CATSPERD: variants seen among roughly 807,000 people sequenced by gnomAD.
CATSPERD encodes the protein cation channel sperm-associated auxiliary subunit delta.
CATSPERD carries 86 observed loss-of-function variants against 98.1 expected under a neutral mutation model. The observed-to-expected ratio is 0.88, with a 90% CI of 0.74 to 1.05. The LOEUF (loss-of-function observed/expected upper bound fraction) is 1.05, where lower values mean the gene tolerates loss of function less well. CATSPERD is among the 50% of genes least tolerant of loss of function. The pLI is 0.00. For missense variants in CATSPERD, 995 were observed against 1,005.7 expected, an observed-to-expected ratio of 0.99 and a Z score of 0.14; for synonymous variants, 394 against 390.2, an observed-to-expected ratio of 1.01 and a Z score of -0.12.
chr19:5,720,734 G>A lies in CATSPERD; in HGVS notation c.-4G>A. 1.9e-6 allele frequency: 3 copies of A among 1,606,560 alleles called. No individual in the cohort carries two copies. Among genetic ancestry groups the A allele is most frequent in the South Asian group, 2.2e-5 (2 of 90,974 alleles). On this transcript the variant is annotated 5_prime_UTR_variant, in exon 1 of 22. Coordinates refer to ENST00000381624, the MANE Select transcript of CATSPERD (RefSeq NM_152784.4). ...GGCAGTGGTGGCGGCGGAAGCCCAA[G>A]TCGATGCTGATGTTGATGCTGGTGG...
intron 14 of CATSPERD, among the ~76,000 whole-genome samples, chr19:5,758,286 C>T (rs2056365461): frequency 1.3e-5 from 2 of 152,016 alleles, no homozygotes; most frequent in South Asian, 2.1e-4. Context: ...TAACCAGGCT[C>T]GTCACATCAC....
chr19:5,773,009 C>A lies in CATSPERD; in HGVS notation c.1941+44C>A, dbSNP rs746613605. ...CGTTTCCAGAAGAATCAGCAGCCCA[C>A]CAGGGGGTGGGAGAGTGCGTGAGGA... On this transcript the variant is annotated intron_variant, in intron 20 of 21. Transcript: ENST00000381624. 6 of 1,593,828 alleles carry A rather than the reference C, an allele frequency of 3.8e-6. No homozygotes were observed. The South Asian group carries it at 6.7e-5, about 18-fold the overall frequency.
At chr19:5,750,271 A>ACCCCGTC (rs2056182331) in intron 11 of CATSPERD, among the ~76,000 whole-genome samples, 1 of 146,290 alleles carries the variant, frequency 6.8e-6, no homozygotes, top group Non-Finnish European at 1.5e-5. Flanking sequence ...ACACGGTGAA[A>ACCCCGTC]CCCCGTCTCT....
Position 5,765,430 on chromosome 19 carries a change from A to G in CATSPERD, c.1507-673A>G, listed in dbSNP as rs2056519791. On this transcript the variant is annotated intron_variant, in intron 16 of 21. Transcript: ENST00000381624. ...TATTCATTCATTCATTCATTCATTC[A>G]TTCATTCATTCATTCATTCATTCAT... Among the ~76,000 whole-genome samples, 4 of 151,322 alleles carry G rather than the reference A, an allele frequency of 2.6e-5. No individual in the cohort carries two copies. In the Admixed American group the frequency reaches 2.7e-4, roughly 10 times the overall value.
intron 2 of CATSPERD, among the ~76,000 whole-genome samples, chr19:5,725,590 C>T (rs928727779): frequency 2.0e-5 from 3 of 152,082 alleles, no homozygotes; most frequent in South Asian, 2.1e-4. Context: ...AGTTCAAATT[C>T]GTTTCCTATT....
chr19:5,739,101 G>A (rs12460099), intron 6 of CATSPERD, among the ~76,000 whole-genome samples: 18,882 of 151,906 alleles, frequency 0.12, 2,144 homozygotes, highest in East Asian at 0.59. Flanking sequence ...CTGGTCTCAA[G>A]TGATCTGCCT....
Position 5,720,676 on chromosome 19 carries a change from G to T in CATSPERD, c.-62G>T. On this transcript the variant is annotated 5_prime_UTR_variant, in exon 1 of 22. Coordinates refer to ENST00000381624, the MANE Select transcript of CATSPERD (RefSeq NM_152784.4). ...GCAGGGCTTCAGCCTGCACGTACTC[G>T]GATTGTGCAGCGACTCCCCGTGGCG... The T allele has an allele frequency of 6.6e-7, 1 of 1,519,718 alleles. No homozygotes were observed. Among genetic ancestry groups the T allele is most frequent in the South Asian group, 1.1e-5 (1 of 87,302 alleles). 94.1% of individuals were successfully genotyped at this position (1,519,718 alleles called of 1,614,324 possible).
intron 3 of CATSPERD, among the ~76,000 whole-genome samples, chr19:5,729,496 C>G (rs1159490795): frequency 1.3e-5 from 2 of 152,066 alleles, no homozygotes; most frequent in African/African-American, 2.4e-5. Flanking sequence ...TCATGGATGG[C>G]CTTTTCCTAT....
intron 5 of CATSPERD, among the ~76,000 whole-genome samples, chr19:5,735,793 T>G (rs2055833561): frequency 7.2e-6 from 1 of 138,774 alleles, no homozygotes; most frequent in South Asian, 2.3e-4. Context: ...TTTTTTTTTT[T>G]TGAGACGGCG....
At position 5,746,013 on chromosome 19, in the gene CATSPERD, G is replaced by C. The variant is rs200180226; in HGVS notation, c.758G>C (p.Gly253Ala). The C allele has an allele frequency of 1.8e-4, 284 of 1,614,148 alleles. 1 individual carries two copies. Among genetic ancestry groups the C allele is most frequent in the Admixed American group, 6.0e-4 (36 of 60,008 alleles). ...ATCCTCATCGCCCCCGGCCAGAGAG[G>C]CATCCTGCTCCTATGGTTTGAGAAC... ...LDILIAPGQR[G>A]ILLLWFENSL... Residue 253 changes from glycine to alanine, a missense_variant, in exon 9 of 22, where the codon GGC becomes GCC. Coordinates refer to ENST00000381624, the MANE Select transcript of CATSPERD (RefSeq NM_152784.4).
rs371150801 is a variant in CATSPERD, at chr19:5,749,128, G to A, written c.932G>A (p.Arg311Gln). 4.8e-5 allele frequency: 78 copies of A among 1,611,826 alleles called. 1 individual carries two copies. The highest frequency in any genetic ancestry group is 1.6e-4 in the Middle Eastern group (1 of 6,064). Residue 311 changes from arginine to glutamine, a missense_variant, in exon 11 of 22, where the codon CGG (arginine) becomes CAG (glutamine). This residue lies in a region of CATSPERD where 762 missense variants were observed against 773.7 expected (regional missense o/e 0.98). Coordinates refer to ENST00000381624, the MANE Select transcript of CATSPERD (RefSeq NM_152784.4). ...VTENELAVIT[R>Q]EDNLYYGNLG... ...GAAAATGAACTGGCAGTTATAACTC[G>A]GGAGGATAATTTGTATTATGGCAAT...
intron 10 of CATSPERD, among the ~76,000 whole-genome samples, chr19:5,748,623 C>CAAAA (rs1179884868): frequency 4.0e-5 from 2 of 50,444 alleles, no homozygotes; most frequent in African/African-American, 1.5e-4. Context: ...AGTGAGACTC[C>CAAAA]AAAAAAAAAA....
At chr19:5,743,166 G>A (rs536636392) in intron 7 of CATSPERD, among the ~76,000 whole-genome samples, 3 of 152,084 alleles carry the variant, frequency 2.0e-5, no homozygotes, top group Non-Finnish European at 4.4e-5. Context: ...AGCCAGGTGT[G>A]GTGGCAGGCG....
intron 3 of CATSPERD, among the ~76,000 whole-genome samples, chr19:5,728,169 C>G (rs1293706980): frequency 6.6e-6 from 1 of 151,266 alleles, no homozygotes; most frequent in African/African-American, 2.4e-5. Flanking sequence ...ACCAGCCTGG[C>G]CAACATGGTG....
At position 5,729,921 on chromosome 19, in the gene CATSPERD, T is replaced by A; in HGVS notation, c.253T>A (p.Phe85Ile). Residue 85 changes from phenylalanine (F) to isoleucine (I), a missense_variant, in exon 4 of 22, where the codon TTT (phenylalanine) becomes ATT (isoleucine). Around this residue, in one of 3 missense-constraint regions of CATSPERD, gnomAD observed 228 missense variants for 209.6 expected, o/e 1.09. Transcript: ENST00000381624. The part of the protein sequence containing the change: ...MDNFETSLLP[F>I]TIPTSMQVGV... ...TAACTTTGAGACTAGTCTCCTTCCA[T>A]TTACCATCCCTACATCAATGCAGGT... The A allele has an allele frequency of 6.3e-7, 1 of 1,597,524 alleles. No individual in the cohort carries two copies. Among genetic ancestry groups the A allele is most frequent in the South Asian group, 1.1e-5 (1 of 89,196 alleles).
intron 17 of CATSPERD, among the ~76,000 whole-genome samples, chr19:5,767,633 C>A (rs1433406564): frequency 6.6e-6 from 1 of 150,492 alleles, no homozygotes; most frequent in African/African-American, 2.4e-5. Context: ...ACTACAGGCG[C>A]CCGCCACCAT....
chr19:5,757,767 G>T, intron 13 of CATSPERD, 76 bp from the exon 14 acceptor site: 3 of 1,081,740 alleles, frequency 2.8e-6, no homozygotes, highest in East Asian at 2.4e-5. Context: ...AGGTGTGCTG[G>T]GCTCACTGTG....
At chr19:5,764,409 G>T (rs1239562051) in intron 16 of CATSPERD, among the ~76,000 whole-genome samples, 2 of 151,510 alleles carry the variant, frequency 1.3e-5, no homozygotes, top group African/African-American at 4.9e-5. Flanking sequence ...TCCACCTCCC[G>T]GGTTCACGCC....
intron 5 of CATSPERD, among the ~76,000 whole-genome samples, chr19:5,735,963 G>A (rs751370962): frequency 2.7e-5 from 4 of 149,926 alleles, no homozygotes; most frequent in African/African-American, 9.8e-5. Context: ...TGTATTTTTA[G>A]TAGAGATGGG....
Sources: gnomAD v4.1 joint callset for allele counts (sites outside exome capture counted in the v4.1 genomes callset) on GRCh38, gnomAD v4.1.1 for gene constraint, gnomAD v4.1.1 regional missense constraint, MANE v1.5 for transcripts, NCBI Gene and HGNC (gene_info 2026-07-23, HGNC 2026-07-21) for gene names.